The following SLC39A11 variants were observed in gnomAD, a reference collection of about 807,000 sequenced individuals.
The protein encoded by SLC39A11 is zinc transporter ZIP11.
Under a neutral mutation model 36.1 loss-of-function variants are expected in SLC39A11, and 33 were observed. The observed-to-expected ratio is 0.91, with a 90% CI of 0.69 to 1.22. SLC39A11 has a LOEUF of 1.22. Among genes scored for constraint, SLC39A11 ranks in the 50% most tolerant of loss-of-function variants. SLC39A11 has a pLI of 0.00. For missense variants in SLC39A11, 432 were observed against 430.3 expected (o/e 1.00, Z -0.03); for synonymous variants, 166 against 170.3 (o/e 0.97, Z 0.20).
chr17:72,964,641 T>C (rs1019325260), intron 4 of SLC39A11, among the ~76,000 whole-genome samples: 2 of 152,220 alleles, frequency 1.3e-5, no homozygotes, highest in African/African-American at 4.8e-5. Flanking sequence ...TGAAACCAGG[T>C]AGAGTATGCC....
chr17:73,087,815 G>C (rs2060784405), intron 2 of SLC39A11, among the ~76,000 whole-genome samples: 1 of 151,966 alleles, frequency 6.6e-6, no homozygotes, highest in South Asian at 2.1e-4. Flanking sequence ...CAGGGACATG[G>C]GTCTGTCTAT....
At chr17:72,899,064 C>T (rs2082180124) in intron 5 of SLC39A11, among the ~76,000 whole-genome samples, 1 of 152,244 alleles carries the variant, frequency 6.6e-6, no homozygotes, top group Non-Finnish European at 1.5e-5. Context: ...AGGAACTCCG[C>T]TGGCTCTTAA....
intron 3 of SLC39A11, among the ~76,000 whole-genome samples, chr17:73,037,496 C>T (rs1474980712): frequency 6.6e-6 from 1 of 152,220 alleles, no homozygotes; most frequent in African/African-American, 2.4e-5. Flanking sequence ...TGCTGAGTAC[C>T]AGGCCCAAGA....
chr17:73,044,053 T>A (rs970219666), intron 3 of SLC39A11, among the ~76,000 whole-genome samples: 62 of 152,310 alleles, frequency 4.1e-4, no homozygotes, highest in African/African-American at 1.4e-3. Context: ...TGGGCTTGAA[T>A]GACCTGACTC....
At chr17:72,867,378 T>C (rs1311749186) in intron 5 of SLC39A11, among the ~76,000 whole-genome samples, 1 of 152,056 alleles carries the variant, frequency 6.6e-6, no homozygotes, top group Non-Finnish European at 1.5e-5. Context: ...CATGCACCTG[T>C]AATCCCAGCT....
At chr17:72,736,833 T>C (rs1463315226) in intron 6 of SLC39A11, 114 bp from the exon 7 acceptor site, 1 of 890,656 alleles carries the variant, frequency 1.1e-6, no homozygotes, top group Non-Finnish European at 1.9e-6. Context: ...TCAAAGAAAA[T>C]CATCGTAACA....
chr17:73,056,195 G>A (rs1445604331), intron 3 of SLC39A11, among the ~76,000 whole-genome samples: 1 of 151,464 alleles, frequency 6.6e-6, no homozygotes, highest in Non-Finnish European at 1.5e-5. Context: ...TTGAGACGGA[G>A]TCTCGCTCTG....
chr17:72,913,569 G>C (rs539775713), intron 5 of SLC39A11, among the ~76,000 whole-genome samples: 8 of 152,264 alleles, frequency 5.3e-5, no homozygotes, highest in Admixed American at 1.3e-4. Flanking sequence ...GATGAAGTAG[G>C]GGGTAGGGGG....
chr17:72,770,913 G>A (rs2075910389), intron 6 of SLC39A11, among the ~76,000 whole-genome samples: 1 of 152,044 alleles, frequency 6.6e-6, no homozygotes, highest in South Asian at 2.1e-4. Flanking sequence ...CAGGCAGGCA[G>A]GCCTTCTCAT....
At chr17:72,728,266 A>G (rs2074013755) in intron 7 of SLC39A11, among the ~76,000 whole-genome samples, 1 of 152,042 alleles carries the variant, frequency 6.6e-6, no homozygotes, top group African/African-American at 2.4e-5. Flanking sequence ...GGGCAAACTC[A>G]ATCTCTACAA....
chr17:73,076,530 T>C (rs982301981), intron 3 of SLC39A11, among the ~76,000 whole-genome samples: 3 of 152,234 alleles, frequency 2.0e-5, no homozygotes, highest in African/African-American at 7.2e-5. Context: ...AACAGCATGC[T>C]ACAGTGCTGT....
chr17:73,073,437 G>C (rs1299206851), intron 3 of SLC39A11, among the ~76,000 whole-genome samples: 1 of 152,136 alleles, frequency 6.6e-6, no homozygotes, highest in African/African-American at 2.4e-5. Flanking sequence ...TGGGGCATCT[G>C]GGGCAGGTAG....
intron 3 of SLC39A11, among the ~76,000 whole-genome samples, chr17:73,053,502 T>C (rs1413839520): frequency 6.6e-6 from 1 of 152,200 alleles, no homozygotes; most frequent in Non-Finnish European, 1.5e-5. Flanking sequence ...ATGTGTCAAT[T>C]ACTGTGTTAA....
intron 4 of SLC39A11, among the ~76,000 whole-genome samples, chr17:72,961,968 C>T (rs1191370559): frequency 2.0e-5 from 3 of 152,146 alleles, no homozygotes; most frequent in Non-Finnish European, 4.4e-5. Context: ...AGAACGTGTT[C>T]AATGTTTCTT....
At chr17:72,947,268 G>C (rs9674839) in intron 5 of SLC39A11, among the ~76,000 whole-genome samples, 9,504 of 151,644 alleles carry the variant, frequency 0.063, 922 homozygotes, top group African/African-American at 0.21. Context: ...GGGCTGAGAT[G>C]GCGCCACTGC....
chr17:72,935,092 T>A (rs192750320), intron 5 of SLC39A11, among the ~76,000 whole-genome samples: 2 of 152,336 alleles, frequency 1.3e-5, no homozygotes, highest in East Asian at 3.9e-4. Context: ...CATTCATAAT[T>A]GCTGAAAAAT....
intron 7 of SLC39A11, among the ~76,000 whole-genome samples, chr17:72,663,514 C>T (rs565834650): frequency 6.6e-6 from 1 of 152,302 alleles, no homozygotes; most frequent in South Asian, 2.1e-4. Flanking sequence ...TGGGCCTCTC[C>T]TGAAGGAGAA....
intron 4 of SLC39A11, among the ~76,000 whole-genome samples, chr17:72,951,097 TA>T (rs761429572): frequency 7.2e-4 from 100 of 139,300 alleles, no homozygotes; most frequent in Non-Finnish European, 7.2e-4. Context: ...CCCCATTTCT[TA>T]AAAAAAAAAA....
intron 5 of SLC39A11, among the ~76,000 whole-genome samples, chr17:72,850,683 G>A (rs1383319402): frequency 6.6e-6 from 1 of 152,154 alleles, no homozygotes; most frequent in Non-Finnish European, 1.5e-5. Flanking sequence ...TCACCTCTCT[G>A]TGCAGTGGTT....
Sources: gnomAD v4.1 joint callset for allele counts (sites outside exome capture counted in the v4.1 genomes callset) on GRCh38, gnomAD v4.1.1 for gene constraint, MANE v1.5 for transcripts, NCBI Gene and HGNC (gene_info 2026-07-23, HGNC 2026-07-21) for gene names.